MMP16: variants seen among roughly 807,000 people sequenced by gnomAD.
MMP16 encodes matrix metalloproteinase-16.
In MMP16, 12 loss-of-function variants were observed where a neutral mutation model predicts 67.8. The ratio of observed to expected loss-of-function variants is 0.18; its 90% CI spans 0.11 to 0.29. The LOEUF (loss-of-function observed/expected upper bound fraction) is 0.29, where lower values mean the gene tolerates loss of function less well. Among genes scored for constraint, MMP16 ranks in the 10% least tolerant of loss-of-function variants. The pLI, the probability that MMP16 is intolerant of heterozygous loss-of-function variation, is 1.00. For missense variants in MMP16, 475 were observed against 765.7 expected, an observed-to-expected ratio of 0.62 and a Z score of 4.48; for synonymous variants, 249 against 255.9, an observed-to-expected ratio of 0.97 and a Z score of 0.26.
chr8:88,163,242 A>G (rs1278176823), intron 4 of MMP16, among the ~76,000 whole-genome samples: 1 of 152,096 alleles, frequency 6.6e-6, no homozygotes, highest in Admixed American at 6.6e-5. Context: ...GTATCACACC[A>G]TGAACACATT....
chr8:88,201,144 CA>C lies in MMP16; in HGVS notation c.133-3839del, dbSNP rs71277984. Among the ~76,000 whole-genome samples, 1,058 of 109,352 alleles carry C rather than the reference CA, an allele frequency of 9.7e-3. 3 individuals carry two copies. The highest frequency in any genetic ancestry group is 0.023 in the African/African-American group (709 of 31,098). 71.7% of individuals were successfully genotyped at this position (109,352 alleles called of 152,430 possible). A position where few individuals can be genotyped will look rare whatever the true frequency, so the allele number is the denominator to read the frequency against. On this transcript the variant is annotated intron_variant, in intron 1 of 9. Transcript: ENST00000286614. The stretch of plus-strand genomic sequence containing the variant: ...TAATTGCAGACATCCTTTCCCCCCC[CA>C]AAAAAAAAAAAAAAAAAAAAAAATG...
chr8:88,306,988 T>C (rs978070853), intron 1 of MMP16, among the ~76,000 whole-genome samples: 7 of 152,286 alleles, frequency 4.6e-5, no homozygotes, highest in Admixed American at 3.3e-4. Context: ...AGTCAAACTA[T>C]CTTTGTTTGC....
At chr8:88,247,050 G>A (rs1810124213) in intron 1 of MMP16, among the ~76,000 whole-genome samples, 1 of 152,034 alleles carries the variant, frequency 6.6e-6, no homozygotes, top group Admixed American at 6.6e-5. Context: ...AAAGACCTTA[G>A]GAAATAAGAA....
At chr8:88,239,418 T>A (rs1810000038) in intron 1 of MMP16, among the ~76,000 whole-genome samples, 1 of 151,772 alleles carries the variant, frequency 6.6e-6, no homozygotes, top group South Asian at 2.1e-4. Context: ...TAAATATGAA[T>A]CATGTTTACC....
chr8:88,190,991 T>C (rs1027246198), intron 2 of MMP16, among the ~76,000 whole-genome samples: 6 of 152,188 alleles, frequency 3.9e-5, no homozygotes, highest in Admixed American at 6.5e-5. Context: ...CACTGCAACT[T>C]TGTAATTATC....
At chr8:88,111,178 GT>G (rs1314268548) in intron 6 of MMP16, among the ~76,000 whole-genome samples, 1 of 151,610 alleles carries the variant, frequency 6.6e-6, no homozygotes, top group Admixed American at 6.6e-5. Context: ...TAAATTGAGA[GT>G]TGAGAGAGAA....
intron 2 of MMP16, 149 bp from the exon 3 acceptor site, chr8:88,186,747 G>A: frequency 9.0e-7 from 1 of 1,111,584 alleles, no homozygotes; most frequent in East Asian, 2.6e-5. Context: ...AGGGAACACT[G>A]TGAATTTTCT....
At chr8:88,227,846 G>A (rs1305242387) in intron 1 of MMP16, among the ~76,000 whole-genome samples, 1 of 151,922 alleles carries the variant, frequency 6.6e-6, no homozygotes, top group Non-Finnish European at 1.5e-5. Context: ...TAACTCTGAA[G>A]AGCCCATTCC....
chr8:88,148,058 C>T (rs1036911099), intron 4 of MMP16, among the ~76,000 whole-genome samples: 1 of 152,132 alleles, frequency 6.6e-6, no homozygotes, highest in East Asian at 1.9e-4. Flanking sequence ...GCAAATCTAT[C>T]CTTTTGTTCA....
At chr8:88,065,044 A>G (rs1808446445) in intron 7 of MMP16, among the ~76,000 whole-genome samples, 1 of 152,084 alleles carries the variant, frequency 6.6e-6, no homozygotes, top group South Asian at 2.1e-4. Flanking sequence ...AGAGTACTAA[A>G]GCCTGGCCAT....
intron 1 of MMP16, among the ~76,000 whole-genome samples, chr8:88,294,016 T>C (rs1466810742): frequency 2.0e-5 from 3 of 152,010 alleles, no homozygotes; most frequent in Non-Finnish European, 4.4e-5. Flanking sequence ...TAATTTACAG[T>C]CACTCAATCA....
At chr8:88,228,976 C>A (rs147849571) in intron 1 of MMP16, among the ~76,000 whole-genome samples, 1 of 151,378 alleles carries the variant, frequency 6.6e-6, no homozygotes, top group Non-Finnish European at 1.5e-5. Context: ...ACCTGGGCAA[C>A]ATCTATGACC....
At chr8:88,124,299 A>G (rs1218750016) in intron 4 of MMP16, among the ~76,000 whole-genome samples, 1 of 151,994 alleles carries the variant, frequency 6.6e-6, no homozygotes, top group African/African-American at 2.4e-5. Context: ...ATACGTGCCA[A>G]GTAGAGTACT....
chr8:88,209,639 CT>C lies in MMP16; in HGVS notation c.133-12334del, dbSNP rs1563562987. On this transcript the variant is annotated intron_variant, in intron 1 of 9. Coordinates refer to ENST00000286614, the MANE Select transcript of MMP16 (RefSeq NM_005941.5). ...TGTATTTGACTGTATGTATTCTACTCTCTCTATGTATTCTACTCTCTCTATG... is the reference window on the plus strand; with the variant it reads ...TGTATTTGACTGTATGTATTCTACTCCTCTATGTATTCTACTCTCTCTATG... Among the ~76,000 whole-genome samples the C allele has an allele frequency of 2.0e-5, 3 of 151,282 alleles. No individual in the cohort carries two copies. The East Asian group carries it at 5.9e-4, about 30-fold the overall frequency.
At chr8:88,144,201 T>A (rs563606884) in intron 4 of MMP16, among the ~76,000 whole-genome samples, 1 of 152,130 alleles carries the variant, frequency 6.6e-6, no homozygotes, top group South Asian at 2.1e-4. Flanking sequence ...CCTTCGTCAC[T>A]GTCCCGAATG....
chr8:88,138,200 A>G (rs775641992), intron 4 of MMP16, among the ~76,000 whole-genome samples: 1 of 151,878 alleles, frequency 6.6e-6, no homozygotes, highest in Non-Finnish European at 1.5e-5. Context: ...TTTCATCTAT[A>G]TTCATCCTAT....
In MMP16 at chr8:88,038,014, G is replaced by A. The variant is rs1437178281; in HGVS notation, c.*3447C>T. 2.0e-5 allele frequency: 3 copies of A among 151,908 alleles called. No individual in the cohort carries two copies. Among genetic ancestry groups the A allele is most frequent in the African/African-American group, 4.8e-5 (2 of 41,404 alleles). The allele number at this position is 151,908 out of a possible 1,614,324, so 9.4% of individuals were successfully genotyped here. On this transcript the variant is annotated 3_prime_UTR_variant, in exon 10 of 10. Transcript: ENST00000286614. The surrounding 1 kb of genome is among the most constrained non-coding windows in gnomAD (Gnocchi z 4.1). The stretch of plus-strand genomic sequence containing the variant: ...TAGTAACACTGAACTGACACCTTAT[G>A]TTATTGACCCATGGAAATTTATTCT...
At chr8:88,234,538 C>T (rs997375779) in intron 1 of MMP16, among the ~76,000 whole-genome samples, 1 of 152,192 alleles carries the variant, frequency 6.6e-6, no homozygotes, top group African/African-American at 2.4e-5. Flanking sequence ...TTAATGACTG[C>T]TTCTGATTTA....
At chr8:88,220,323 G>A (rs982816366) in intron 1 of MMP16, among the ~76,000 whole-genome samples, 3 of 152,032 alleles carry the variant, frequency 2.0e-5, no homozygotes, top group African/African-American at 7.2e-5. Flanking sequence ...TTGTATTTTA[G>A]TTTAAAAGAA....
Sources: gnomAD v4.1 joint callset for allele counts (sites outside exome capture counted in the v4.1 genomes callset) on GRCh38, gnomAD v4.1.1 for gene constraint, Gnocchi (gnomAD v3.1) non-coding constraint, MANE v1.5 for transcripts, NCBI Gene and HGNC (gene_info 2026-07-23, HGNC 2026-07-21) for gene names.